Variants in CCDC149 observed in about 807,000 individuals in gnomAD.
CCDC149 encodes the protein coiled-coil domain-containing protein 149.
CCDC149 carries 45 observed loss-of-function variants against 59.9 expected under a neutral mutation model. The ratio of observed to expected loss-of-function variants is 0.75; its 90% CI spans 0.59 to 0.96. The LOEUF is 0.96. CCDC149 is among the 40% of genes least tolerant of loss of function. The pLI is 0.00. For missense variants in CCDC149, 584 were observed against 664.7 expected (o/e 0.88, Z 1.33); for synonymous variants, 245 against 260.6 (o/e 0.94, Z 0.58).
chr4:24,836,547 CTAAA>C (rs1191071027), intron 6 of CCDC149, 39 bp from the exon 7 acceptor site: 1 of 1,375,226 alleles, frequency 7.3e-7, no homozygotes, highest in East Asian at 2.3e-5. Context: ...TGTTTAAGGG[CTAAA>C]TAAAAAACAC....
At chr4:24,947,611 C>G (rs1723154967) in intron 1 of CCDC149, among the ~76,000 whole-genome samples, 1 of 152,216 alleles carries the variant, frequency 6.6e-6, no homozygotes, top group South Asian at 2.1e-4. Flanking sequence ...CTATCCTCCT[C>G]TTCCATGAAA....
At chr4:24,891,656 T>C (rs1044355729) in intron 1 of CCDC149, among the ~76,000 whole-genome samples, 5 of 152,202 alleles carry the variant, frequency 3.3e-5, no homozygotes, top group Admixed American at 1.3e-4. Context: ...GAAGTGCACA[T>C]AGACATCACT....
chr4:24,942,540 T>G (rs1418327574), intron 1 of CCDC149, among the ~76,000 whole-genome samples: 1 of 152,186 alleles, frequency 6.6e-6, no homozygotes, highest in African/African-American at 2.4e-5. Flanking sequence ...TTGGAAGTTC[T>G]AACCAGAGCA....
chr4:24,910,429 G>A (rs189400889), intron 1 of CCDC149, among the ~76,000 whole-genome samples: 24 of 152,190 alleles, frequency 1.6e-4, no homozygotes, highest in Admixed American at 5.9e-4. Flanking sequence ...GTTAGGTCTC[G>A]GATGCAGCTA....
intron 1 of CCDC149, among the ~76,000 whole-genome samples, chr4:24,908,293 C>G (rs1721656150): frequency 1.3e-5 from 2 of 152,148 alleles, no homozygotes; most frequent in African/African-American, 4.8e-5. Context: ...AGACTTCCCC[C>G]CAGGTCTCTT....
At chr4:24,897,302 G>A (rs769074009) in intron 1 of CCDC149, among the ~76,000 whole-genome samples, 4 of 152,174 alleles carry the variant, frequency 2.6e-5, no homozygotes, top group Non-Finnish European at 5.9e-5. Flanking sequence ...TTGTTTTCCA[G>A]GAGTGCAGGA....
At chr4:24,954,369 A>G (rs1408938574) in intron 1 of CCDC149, among the ~76,000 whole-genome samples, 2 of 152,182 alleles carry the variant, frequency 1.3e-5, no homozygotes, top group Admixed American at 1.3e-4. Flanking sequence ...CCAAGACTCC[A>G]CTATGTTTTG....
At chr4:24,912,103 C>T (rs746417013) in intron 1 of CCDC149, among the ~76,000 whole-genome samples, 1 of 152,184 alleles carries the variant, frequency 6.6e-6, no homozygotes, top group Non-Finnish European at 1.5e-5. Context: ...GGCCGGCAAA[C>T]TCTTAGGGGG....
chr4:24,853,609 G>C (rs943811576), intron 3 of CCDC149, among the ~76,000 whole-genome samples: 8 of 149,340 alleles, frequency 5.4e-5, no homozygotes, highest in Non-Finnish European at 8.9e-5. Flanking sequence ...AAAAAAAAGA[G>C]AGAGAGAGAG....
At chr4:24,887,275 T>TGGGGG (rs1720239764) in intron 1 of CCDC149, among the ~76,000 whole-genome samples, 1 of 19,480 alleles carries the variant, frequency 5.1e-5, no homozygotes, top group Admixed American at 8.1e-4. Flanking sequence ...TGGGGTGTAG[T>TGGGGG]GGGGGTGGGG....
At chr4:24,884,995 T>C (rs1407712967) in intron 1 of CCDC149, among the ~76,000 whole-genome samples, 1 of 152,108 alleles carries the variant, frequency 6.6e-6, no homozygotes, top group African/African-American at 2.4e-5. Flanking sequence ...AGGGAAAATG[T>C]TACTCCTGGC....
intron 4 of CCDC149, among the ~76,000 whole-genome samples, chr4:24,848,567 CAAATAAATAAAT>C (rs565762293): frequency 2.0e-5 from 3 of 150,300 alleles, no homozygotes; most frequent in Admixed American, 6.6e-5. Context: ...GACTCCATCT[CAAATAAATAAAT>C]AAATAAATAA....
intron 4 of CCDC149, among the ~76,000 whole-genome samples, chr4:24,839,855 T>C (rs1462734701): frequency 6.6e-6 from 1 of 152,214 alleles, no homozygotes; most frequent in Non-Finnish European, 1.5e-5. Flanking sequence ...GTAGGGCAGA[T>C]GTGGATGGGT....
intron 3 of CCDC149, among the ~76,000 whole-genome samples, chr4:24,860,248 A>G (rs1472518473): frequency 6.6e-6 from 1 of 152,248 alleles, no homozygotes; most frequent in Non-Finnish European, 1.5e-5. Context: ...AAACAGCAAC[A>G]TAGATCAATG....
intron 1 of CCDC149, among the ~76,000 whole-genome samples, chr4:24,958,572 T>A (rs1166402381): frequency 6.6e-6 from 1 of 152,204 alleles, no homozygotes; most frequent in African/African-American, 2.4e-5. Flanking sequence ...ATCATTTTCA[T>A]ATGTTGTAAG....
At chr4:24,890,989 C>T (rs745586887) in intron 1 of CCDC149, among the ~76,000 whole-genome samples, 3 of 152,244 alleles carry the variant, frequency 2.0e-5, no homozygotes, top group Non-Finnish European at 2.9e-5. Flanking sequence ...CCTGAATTTC[C>T]GCCTGCAGCA....
chr4:24,808,533 C>A lies in CCDC149; in HGVS notation c.1479G>T (p.Pro493=), dbSNP rs527861291. 24 of 1,543,256 alleles carry A rather than the reference C, an allele frequency of 1.6e-5. No individual in the cohort carries two copies. In the South Asian group the frequency reaches 1.6e-4, roughly 10 times the overall value. Residue 493 remains proline (P), a synonymous_variant, in exon 13 of 13, where the codon CCG becomes CCT. Transcript: ENST00000635206. ...GCTCCCCCTGGATGGCCAGGCCTGG[C>A]GGGGCTGGCCCCGTCTCACTCCTCT... is the stretch of plus-strand genomic sequence containing the variant.
chr4:24,889,965 T>C (rs1720434979), intron 1 of CCDC149, among the ~76,000 whole-genome samples: 2 of 152,188 alleles, frequency 1.3e-5, no homozygotes, highest in Admixed American at 1.3e-4. Context: ...TGCTTCCACT[T>C]TATAGATGAG....
chr4:24,881,857 T>C (rs1379178846), intron 1 of CCDC149, among the ~76,000 whole-genome samples: 1 of 152,194 alleles, frequency 6.6e-6, no homozygotes, highest in African/African-American at 2.4e-5. Flanking sequence ...ATTTTATAAA[T>C]GAGGAAGTGA....
Sources: allele counts gnomAD v4.1 joint callset (sites outside exome capture counted in the v4.1 genomes callset), GRCh38; gene constraint gnomAD v4.1.1; transcripts MANE v1.5; gene names NCBI Gene and HGNC (gene_info 2026-07-23, HGNC 2026-07-21).